The following BTBD1 variants were observed in gnomAD, a reference collection of about 807,000 sequenced individuals.
The protein encoded by BTBD1 is BTB/POZ domain-containing protein 1.
BTBD1 carries 34 observed loss-of-function variants against 48.0 expected under a neutral mutation model. The observed-to-expected ratio is 0.71, with a 90% CI of 0.54 to 0.94. BTBD1 has a LOEUF of 0.94. BTBD1 is among the 40% of genes least tolerant of loss of function. The pLI is 0.00. For synonymous variants in BTBD1, 261 were observed against 242.1 expected (o/e 1.08, Z -0.72); for missense variants, 543 against 625.6 (o/e 0.87, Z 1.41).
At chr15:83,048,498 C>T (rs1379179854) in intron 3 of BTBD1, among the ~76,000 whole-genome samples, 1 of 152,170 alleles carries the variant, frequency 6.6e-6, no homozygotes, top group African/African-American at 2.4e-5. Context: ...ACAAAAGGTA[C>T]ATTGTTAGCC....
At chr15:83,040,130 A>G (rs2032722364) in intron 4 of BTBD1, among the ~76,000 whole-genome samples, 1 of 152,216 alleles carries the variant, frequency 6.6e-6, no homozygotes, top group South Asian at 2.1e-4. Context: ...TAATGCAGAA[A>G]CAGTAAACCA....
chr15:83,055,943 A>T (rs2033074026), intron 2 of BTBD1, among the ~76,000 whole-genome samples: 1 of 152,076 alleles, frequency 6.6e-6, no homozygotes, highest in Non-Finnish European at 1.5e-5. Flanking sequence ...ATTAACTCTA[A>T]CATGCTTTTT....
intron 5 of BTBD1, chr15:83,024,293 C>G (rs929562130): frequency 6.6e-6 from 1 of 152,120 alleles, no homozygotes; most frequent in Admixed American, 6.5e-5. Context: ...ATGTGTTTGT[C>G]TTTTTAATGT....
chr15:83,053,690 T>G (rs1470452536), intron 2 of BTBD1, among the ~76,000 whole-genome samples: 1 of 152,208 alleles, frequency 6.6e-6, no homozygotes, highest in Non-Finnish European at 1.5e-5. Context: ...AATGACAAAT[T>G]CAAAAGAGGA....
intron 4 of BTBD1, among the ~76,000 whole-genome samples, chr15:83,035,865 G>C (rs924143510): frequency 6.6e-6 from 1 of 151,538 alleles, no homozygotes; most frequent in Non-Finnish European, 1.5e-5. Flanking sequence ...TTTTGTATGA[G>C]GACAATTTTG....
At chr15:83,056,272 T>C in intron 2 of BTBD1, 117 bp downstream of exon 2, 3 of 657,064 alleles carry the variant, frequency 4.6e-6, no homozygotes, top group Non-Finnish European at 7.3e-6. Flanking sequence ...ATTATAAAAA[T>C]CATTTTATAT....
At chr15:83,058,163 G>C (rs554776707) in intron 1 of BTBD1, among the ~76,000 whole-genome samples, 2 of 152,278 alleles carry the variant, frequency 1.3e-5, no homozygotes, top group South Asian at 2.1e-4. Context: ...ACTTCCAACT[G>C]CTAGCCAAGA....
intron 4 of BTBD1, chr15:83,030,572 C>T: frequency 7.6e-6 from 3 of 393,054 alleles, no homozygotes; most frequent in East Asian, 9.8e-5. Context: ...AATGCTATTC[C>T]TCATGGATGC....
At chr15:83,055,203 G>A (rs1383050200) in intron 2 of BTBD1, among the ~76,000 whole-genome samples, 3 of 151,994 alleles carry the variant, frequency 2.0e-5, no homozygotes, top group Non-Finnish European at 4.4e-5. Flanking sequence ...ACTGGTTAAA[G>A]GTTCCACAGT....
At chr15:83,029,006 G>A (rs2032464900) in intron 5 of BTBD1, among the ~76,000 whole-genome samples, 1 of 151,784 alleles carries the variant, frequency 6.6e-6, no homozygotes, top group African/African-American at 2.4e-5. Flanking sequence ...CTAGCTACTT[G>A]GGCTGAATGC....
intron 5 of BTBD1, chr15:83,022,667 GAAA>G: frequency 8.5e-6 from 1 of 117,656 alleles, no homozygotes; most frequent in Non-Finnish European, 1.8e-5. Context: ...ATCTCAAAAA[GAAA>G]AAAAAAAAAT....
At chr15:83,063,335 G>C (rs917985075) in intron 1 of BTBD1, among the ~76,000 whole-genome samples, 3 of 152,142 alleles carry the variant, frequency 2.0e-5, no homozygotes, top group Non-Finnish European at 4.4e-5. Flanking sequence ...TCAGCAAGCT[G>C]TTCCCTCACC....
chr15:83,044,632 C>T lies in BTBD1; in HGVS notation c.665-2707G>A, dbSNP rs2032840353. The T allele has an allele frequency of 1.0e-5, 16 of 1,555,006 alleles. No individual in the cohort carries two copies. In the South Asian group the frequency reaches 1.7e-4, roughly 16 times the overall value. On this transcript the variant is annotated intron_variant, in intron 3 of 7. Transcript: ENST00000261721. Reference sequence around the variant, plus strand: ...AAAACTCAGACTGTGTGCAGCTTTGCAGATGGTGCATTGGTTCAGCATCAG... The same window carrying T: ...AAAACTCAGACTGTGTGCAGCTTTGTAGATGGTGCATTGGTTCAGCATCAG...
At chr15:83,047,590 A>G (rs2032904425) in intron 3 of BTBD1, among the ~76,000 whole-genome samples, 1 of 152,204 alleles carries the variant, frequency 6.6e-6, no homozygotes, top group Non-Finnish European at 1.5e-5. Context: ...GCCAAAATGT[A>G]GGTGCTATAT....
intron 4 of BTBD1, 135 bp downstream of exon 4, chr15:83,041,593 G>A (rs772737616): frequency 1.8e-5 from 13 of 739,148 alleles, no homozygotes; most frequent in African/African-American, 3.5e-5. Context: ...GGCTGGTGTC[G>A]AACTCCTGTC....
intron 1 of BTBD1, chr15:83,061,548 C>G (rs764838411): frequency 6.8e-6 from 1 of 148,148 alleles, no homozygotes; most frequent in Non-Finnish European, 1.5e-5. Flanking sequence ...CAGATTGTGG[C>G]AGAGTGACAT....
Position 83,056,575 on chromosome 15 carries a change from T to C in BTBD1, c.402-30A>G, listed in dbSNP as rs748014556. 1.7e-5 allele frequency: 27 copies of C among 1,589,092 alleles called. No homozygotes were observed. In the Admixed American group the frequency reaches 2.0e-4, roughly 12 times the overall value. ...AAAACAATTGGCATATTTGCAGAGA[T>C]GGTCAGTAATGTTTTAGATAAGCAA... is the stretch of plus-strand genomic sequence containing the variant. On this transcript the variant is annotated intron_variant, in intron 1 of 7. Transcript: ENST00000261721.
intron 1 of BTBD1, among the ~76,000 whole-genome samples, chr15:83,059,855 G>T (rs907267240): frequency 6.6e-6 from 1 of 152,146 alleles, no homozygotes; most frequent in African/African-American, 2.4e-5. Context: ...GCCTCCCCAA[G>T]TGCTGGGATT....
chr15:83,059,626 C>T (rs983139345), intron 1 of BTBD1, among the ~76,000 whole-genome samples: 5 of 152,172 alleles, frequency 3.3e-5, no homozygotes, highest in African/African-American at 7.2e-5. Context: ...ATTGTCACTC[C>T]GGGTGGAGAG....
Sources: allele counts gnomAD v4.1 joint callset (sites outside exome capture counted in the v4.1 genomes callset), GRCh38; gene constraint gnomAD v4.1.1; transcripts MANE v1.5; gene names NCBI Gene and HGNC (gene_info 2026-07-23, HGNC 2026-07-21).